The following MYOM2 variants were observed in gnomAD, a reference collection of about 807,000 sequenced individuals.
MYOM2 encodes the protein myomesin 2.
MYOM2 carries 254 observed loss-of-function variants against 187.6 expected under a neutral mutation model. That is an observed-to-expected ratio of 1.35 (90% confidence interval 1.22 to 1.50). The LOEUF (loss-of-function observed/expected upper bound fraction) is 1.50, where lower values mean the gene tolerates loss of function less well. Ranked by LOEUF, MYOM2 falls within the 40% of genes most tolerant of loss-of-function variation. MYOM2 has a pLI of 0.00. For missense variants in MYOM2, 2,796 were observed against 1,924.0 expected (o/e 1.45, Z -8.48); for synonymous variants, 981 against 753.8 (o/e 1.30, Z -4.94).
chr8:2,090,439 C>T (rs556428768), intron 15 of MYOM2, among the ~76,000 whole-genome samples: 19 of 152,240 alleles, frequency 1.2e-4, no homozygotes, highest in Non-Finnish European at 2.4e-4. Flanking sequence ...GTTTAGGAAA[C>T]GGTCACTTTT....
rs866837822 is a variant in MYOM2 at position 2,102,689 on chromosome 8, A to C, written c.2642A>C (p.Lys881Thr). Residue 881 changes from lysine to threonine, a missense_variant, in exon 21 of 37, where the codon AAG becomes ACG. Transcript: ENST00000262113. ...AAGGTCTCTGACCTGCAGCAAGGTAAGACCTATGTCTTCAGGGTCCGGGCA... is the reference window on the plus strand; with the variant it reads ...AAGGTCTCTGACCTGCAGCAAGGTACGACCTATGTCTTCAGGGTCCGGGCA... Reference protein sequence around the residue: ...YLKVSDLQQGKTYVFRVRAVN... With the variant: ...YLKVSDLQQGTTYVFRVRAVN... 2 of 1,613,322 alleles carry C rather than the reference A, an allele frequency of 1.2e-6. No individual in the cohort carries two copies. Among genetic ancestry groups the C allele is most frequent in the African/African-American group, 2.7e-5 (2 of 75,054 alleles).
At chr8:2,108,663 C>T (rs753197531) in intron 23 of MYOM2, 123 bp from the exon 24 acceptor site, 5 of 930,824 alleles carry the variant, frequency 5.4e-6, no homozygotes, top group South Asian at 1.5e-5. Flanking sequence ...GTTTAAATTC[C>T]TTTCGTGTCC....
chr8:2,053,710 G>A (rs1036620711), intron 3 of MYOM2, among the ~76,000 whole-genome samples: 1 of 152,170 alleles, frequency 6.6e-6, no homozygotes, highest in African/African-American at 2.4e-5. Flanking sequence ...ATGTTCTCAC[G>A]GCACCTCTGA....
chr8:2,142,414 T>A lies in MYOM2; in HGVS notation c.4024+17T>A, dbSNP rs1265163733. 6.2e-7 allele frequency: 1 copy of A among 1,613,284 alleles called. No homozygotes were observed. The highest frequency in any genetic ancestry group is 1.7e-5 in the Admixed American group (1 of 60,030). On this transcript the variant is annotated intron_variant, in intron 35 of 36. Transcript: ENST00000262113. ...CAGAGAAGAGTAAGTACCTGTTGGA[T>A]TGTAACCAGGATGGTGAATTATTTG...
At chr8:2,106,190 T>C (rs560108523) in intron 21 of MYOM2, 52 bp from the exon 22 acceptor site, 80 of 1,569,082 alleles carry the variant, frequency 5.1e-5, no homozygotes, top group South Asian at 1.4e-4. Context: ...CAAAAGAGAG[T>C]TGAAAGAACA....
intron 32 of MYOM2, among the ~76,000 whole-genome samples, chr8:2,131,700 G>A (rs922676303): frequency 2.3e-4 from 34 of 144,838 alleles, no homozygotes; most frequent in African/African-American, 8.9e-4. Context: ...CTGGAGTGCA[G>A]TGGTGCGATC....
intron 14 of MYOM2, among the ~76,000 whole-genome samples, chr8:2,086,485 C>CTT (rs1796073050): frequency 7.2e-6 from 1 of 138,264 alleles, no homozygotes. Flanking sequence ...GTCATGATCT[C>CTT]TGTGTGGCCC....
In MYOM2 at chr8:2,123,282, A is replaced by T. The variant is rs1797519727; in HGVS notation, c.3484A>T (p.Lys1162Ter). 1.9e-6 allele frequency: 3 copies of T among 1,613,308 alleles called. No homozygotes were observed. The highest frequency in any genetic ancestry group is 1.7e-6 in the Non-Finnish European group (2 of 1,179,822). ...VANTKKETVF[K>*]WLKDDVLYET... ...AAACACCAAGAAAGAAACCGTTTTC[A>T]AATGGCTCAAGGATGATGTTCTGTA... The change falls in exon 29 of 37, where the codon AAA (lysine) becomes TAA (stop). Residue 1162 changes from lysine (K) to a stop codon, truncating the protein, a stop_gained. Coordinates refer to ENST00000262113, the MANE Select transcript of MYOM2 (RefSeq NM_003970.4). LOFTEE classifies it high-confidence loss of function.
In MYOM2 at chr8:2,090,089, A is replaced by C; in HGVS notation, c.1726A>C (p.Met576Leu). 6.2e-7 allele frequency: 1 copy of C among 1,613,930 alleles called. No individual in the cohort carries two copies. The highest frequency in any genetic ancestry group is 8.5e-7 in the Non-Finnish European group (1 of 1,180,002). ...CCCGAGATATGCCGTGTTTGACCTC[A>C]TGGAAGGGAAGTCTTATGTGTTCCG... Reference protein sequence around the residue: ...RSPRYAVFDLMEGKSYVFRVL... With the variant: ...RSPRYAVFDLLEGKSYVFRVL... Residue 576 changes from methionine to leucine, a missense_variant, in exon 15 of 37, where the codon ATG becomes CTG. Transcript: ENST00000262113.
At chr8:2,124,322 G>A (rs570179522) in intron 31 of MYOM2, 105 bp downstream of exon 31, 18 of 1,192,760 alleles carry the variant, frequency 1.5e-5, no homozygotes, top group Middle Eastern at 1.9e-4. Flanking sequence ...GAGCTGTGGT[G>A]CGTGTTCTGT....
chr8:2,090,206 T>C lies in MYOM2; in HGVS notation c.1828+15T>C, dbSNP rs1259615473. Reference sequence around the variant, plus strand: ...GGATGTGACCGGTGAGCTGTCACACTGGGTGGCCCCAAGTCAGGATGGACT... The same window carrying C: ...GGATGTGACCGGTGAGCTGTCACACCGGGTGGCCCCAAGTCAGGATGGACT... On this transcript the variant is annotated intron_variant, in intron 15 of 36. Transcript: ENST00000262113. 2 of 1,607,374 alleles carry C rather than the reference T, an allele frequency of 1.2e-6. No homozygotes were observed. The highest frequency in any genetic ancestry group is 2.7e-5 in the African/African-American group (2 of 74,846).
chr8:2,079,547 T>G lies in MYOM2; in HGVS notation c.1463-13T>G, dbSNP rs2129337118. 4 of 1,614,008 alleles carry G rather than the reference T, an allele frequency of 2.5e-6. No homozygotes were observed. The East Asian group carries it at 8.9e-5, about 36-fold the overall frequency. On this transcript the variant is annotated splice_polypyrimidine_tract_variant and intron_variant, in intron 12 of 36. Coordinates refer to ENST00000262113, the MANE Select transcript of MYOM2 (RefSeq NM_003970.4). The stretch of plus-strand genomic sequence containing the variant: ...TCGCATGTCAAATCGAGTGTCAACC[T>G]TTCTCTCCGCAGCCGTTCATTTGGA...
At chr8:2,143,520 T>A in intron 36 of MYOM2, 64 bp downstream of exon 36, 2 of 1,596,676 alleles carry the variant, frequency 1.3e-6, no homozygotes, top group African/African-American at 2.7e-5. Flanking sequence ...CAACCCCTTC[T>A]CTTGGGGCGG....
At chr8:2,050,993 G>C (rs1391830891) in intron 2 of MYOM2, 120 bp downstream of exon 2, 2 of 733,742 alleles carry the variant, frequency 2.7e-6, no homozygotes, top group Non-Finnish European at 4.6e-6. Context: ...TCAGAGAGCA[G>C]AGATGGCAGC....
chr8:2,089,201 G>A (rs973272813), intron 14 of MYOM2, among the ~76,000 whole-genome samples: 7 of 16,860 alleles, frequency 4.2e-4, no homozygotes, highest in Admixed American at 3.5e-3. Context: ...TTATCTCTAT[G>A]TGAAAAAATA....
At chr8:2,079,255 G>A (rs994026292) in intron 12 of MYOM2, among the ~76,000 whole-genome samples, 5 of 151,944 alleles carry the variant, frequency 3.3e-5, no homozygotes, top group African/African-American at 1.2e-4. Flanking sequence ...CACTTAGAAG[G>A]CCATCCTATT....
At chr8:2,086,297 C>T (rs1252672716) in intron 14 of MYOM2, among the ~76,000 whole-genome samples, 1,671 of 59,996 alleles carry the variant, frequency 0.028, 200 homozygotes, top group African/African-American at 0.04. Flanking sequence ...TCGTGATCTC[C>T]GCGTGGCCCC....
chr8:2,121,335 C>G (rs1056574788), intron 28 of MYOM2, among the ~76,000 whole-genome samples: 1 of 152,098 alleles, frequency 6.6e-6, no homozygotes. Flanking sequence ...TGTGTGTGCA[C>G]TCCCAAGGCC....
intron 14 of MYOM2, among the ~76,000 whole-genome samples, chr8:2,086,439 C>CTT (rs1796064868): frequency 1.4e-5 from 2 of 147,736 alleles, no homozygotes; most frequent in African/African-American, 5.2e-5. Flanking sequence ...CTCTGCGTGG[C>CTT]CCCCTACTGT....
Sources: allele counts gnomAD v4.1 joint callset (sites outside exome capture counted in the v4.1 genomes callset), GRCh38; gene constraint gnomAD v4.1.1; transcripts MANE v1.5; gene names NCBI Gene and HGNC (gene_info 2026-07-23, HGNC 2026-07-21).